PLEKHA2: variants seen among roughly 807,000 people sequenced by gnomAD.
PLEKHA2 encodes pleckstrin homology domain containing A2, also known as pleckstrin homology domain-containing family A member 2.
PLEKHA2 carries 28 observed loss-of-function variants against 53.2 expected under a neutral mutation model. The ratio of observed to expected loss-of-function variants is 0.53; its 90% CI spans 0.39 to 0.72. The LOEUF (loss-of-function observed/expected upper bound fraction) is 0.72, where lower values mean the gene tolerates loss of function less well. PLEKHA2 is among the 30% of genes least tolerant of loss of function. PLEKHA2 has a pLI of 0.00. For missense variants in PLEKHA2, 426 were observed against 537.9 expected (o/e 0.79, Z 2.06); for synonymous variants, 193 against 196.4 (o/e 0.98, Z 0.14).
At chr8:38,919,384 G>T (rs1413757156) in intron 2 of PLEKHA2, among the ~76,000 whole-genome samples, 1 of 152,160 alleles carries the variant, frequency 6.6e-6, no homozygotes, top group African/African-American at 2.4e-5. Flanking sequence ...CTGGCCCTGA[G>T]TGCTGTTAGC....
intron 9 of PLEKHA2, among the ~76,000 whole-genome samples, chr8:38,953,688 C>T (rs1834887140): frequency 6.6e-6 from 1 of 152,200 alleles, no homozygotes; most frequent in African/African-American, 2.4e-5. Flanking sequence ...ATTAGATGCT[C>T]AATCCCTAGC....
chr8:38,949,164 C>A (rs1387296796), intron 5 of PLEKHA2, among the ~76,000 whole-genome samples: 1 of 152,160 alleles, frequency 6.6e-6, no homozygotes, highest in Non-Finnish European at 1.5e-5. Context: ...AGCCACTGTG[C>A]CTGGCCGACA....
At chr8:38,916,315 T>C (rs1055027528) in intron 1 of PLEKHA2, among the ~76,000 whole-genome samples, 1 of 152,210 alleles carries the variant, frequency 6.6e-6, no homozygotes, top group African/African-American at 2.4e-5. Context: ...AAATTATTAT[T>C]GACTATAGTT....
chr8:38,967,812 C>T (rs1178152231), intron 10 of PLEKHA2, among the ~76,000 whole-genome samples: 1 of 152,098 alleles, frequency 6.6e-6, no homozygotes, highest in African/African-American at 2.4e-5. Context: ...CGGGCGCACG[C>T]CACCACTCCT....
At chr8:38,913,287 C>A (rs1203821272) in intron 1 of PLEKHA2, among the ~76,000 whole-genome samples, 3 of 150,978 alleles carry the variant, frequency 2.0e-5, no homozygotes, top group Non-Finnish European at 4.4e-5. Context: ...TCGCTTGAAC[C>A]TGGGAGGCGG....
chr8:38,933,149 G>T (rs888481767), intron 2 of PLEKHA2, among the ~76,000 whole-genome samples: 1 of 152,192 alleles, frequency 6.6e-6, no homozygotes, highest in Non-Finnish European at 1.5e-5. Flanking sequence ...AGCTCCGGAG[G>T]CTGCTGGGCT....
intron 6 of PLEKHA2, among the ~76,000 whole-genome samples, 168 bp downstream of exon 6, chr8:38,951,158 AT>A (rs1427276982): frequency 4.7e-4 from 72 of 152,162 alleles, no homozygotes; most frequent in Admixed American, 4.7e-3. Flanking sequence ...ATCCCCATTC[AT>A]GGGTGTTAGT....
chr8:38,950,075 T>C (rs1465838672), intron 5 of PLEKHA2, among the ~76,000 whole-genome samples: 1 of 152,228 alleles, frequency 6.6e-6, no homozygotes. Context: ...AGACAGGGTC[T>C]CTGTCACCTA....
intron 10 of PLEKHA2, among the ~76,000 whole-genome samples, chr8:38,965,522 C>T (rs1666851175): frequency 6.6e-6 from 1 of 152,146 alleles, no homozygotes; most frequent in Non-Finnish European, 1.5e-5. Flanking sequence ...ATGCCTCCTA[C>T]CAAATCATCT....
At chr8:38,951,655 C>T (rs1020545662) in intron 6 of PLEKHA2, among the ~76,000 whole-genome samples, 94 of 151,476 alleles carry the variant, frequency 6.2e-4, no homozygotes, top group African/African-American at 2.2e-3. Context: ...TGTGCCACCA[C>T]GCCTGGCTAA....
In PLEKHA2 at chr8:38,969,201, G is replaced by A. The variant is rs972303944; in HGVS notation, c.916-220G>A. Among the ~76,000 whole-genome samples, 15 of 152,170 alleles carry A rather than the reference G, an allele frequency of 9.9e-5. 1 individual carries two copies. In the South Asian group the frequency reaches 1.4e-3, roughly 15 times the overall value. On this transcript the variant is annotated intron_variant, in intron 11 of 11. Transcript: ENST00000617275. ...CAGGCATGAGCCACCACGCCCGGCCGAGAAACAGAATTTCTGATATGTCCT... is the reference window on the plus strand; with the variant it reads ...CAGGCATGAGCCACCACGCCCGGCCAAGAAACAGAATTTCTGATATGTCCT...
Position 38,956,098 on chromosome 8 carries a change from G to A in PLEKHA2, c.774-1225G>A, listed in dbSNP as rs376849782. Reference sequence around the variant, plus strand: ...TGGGATTACAGGCGTAAGCCACTGCGCCTGGCCCTTATGTTCTTTCACTGG... The same window carrying A: ...TGGGATTACAGGCGTAAGCCACTGCACCTGGCCCTTATGTTCTTTCACTGG... On this transcript the variant is annotated intron_variant, in intron 9 of 11. Transcript: ENST00000617275. 5.8e-4 allele frequency among the ~76,000 whole-genome samples: 88 copies of A among 152,288 alleles called. 1 individual carries two copies. Among genetic ancestry groups the A allele is most frequent in the Middle Eastern group, 3.4e-3 (1 of 294 alleles).
At chr8:38,940,474 A>G (rs1834585113) in intron 3 of PLEKHA2, among the ~76,000 whole-genome samples, 1 of 152,084 alleles carries the variant, frequency 6.6e-6, no homozygotes, top group Non-Finnish European at 1.5e-5. Context: ...GGCCAAACAC[A>G]GTTCTGCTGT....
At chr8:38,925,838 A>G (rs1201161786) in intron 2 of PLEKHA2, among the ~76,000 whole-genome samples, 1 of 152,280 alleles carries the variant, frequency 6.6e-6, no homozygotes, top group African/African-American at 2.4e-5. Flanking sequence ...TTTTTTAAAA[A>G]AACGTGAAAT....
At chr8:38,951,998 C>A (rs1248264480) in intron 6 of PLEKHA2, among the ~76,000 whole-genome samples, 168 bp from the exon 7 acceptor site, 2 of 152,218 alleles carry the variant, frequency 1.3e-5, no homozygotes, top group Non-Finnish European at 2.9e-5. Flanking sequence ...GATCCTCCTG[C>A]CTTGGCCTCC....
At chr8:38,930,318 C>T (rs1834368334) in intron 2 of PLEKHA2, among the ~76,000 whole-genome samples, 1 of 152,196 alleles carries the variant, frequency 6.6e-6, no homozygotes, top group African/African-American at 2.4e-5. Flanking sequence ...TCTCGTGCCT[C>T]AGCCTCCCAA....
chr8:38,931,777 G>C (rs1358125742), intron 2 of PLEKHA2, among the ~76,000 whole-genome samples: 1 of 152,174 alleles, frequency 6.6e-6, no homozygotes, highest in African/African-American at 2.4e-5. Flanking sequence ...CGTCCAGTAG[G>C]AAGAGACCTA....
chr8:38,937,084 G>A (rs1484442199), intron 3 of PLEKHA2, among the ~76,000 whole-genome samples: 2 of 152,230 alleles, frequency 1.3e-5, no homozygotes, highest in African/African-American at 2.4e-5. Flanking sequence ...CTGGAGGAGA[G>A]GCCACCCTTG....
intron 1 of PLEKHA2, among the ~76,000 whole-genome samples, chr8:38,905,458 TA>T (rs34178207): frequency 0.84 from 123,849 of 147,600 alleles, 51,987 homozygotes; most frequent in Admixed American, 0.86. Context: ...ACCCTGCCTC[TA>T]AAAAAAAAAA....
Sources: allele counts gnomAD v4.1 joint callset (sites outside exome capture counted in the v4.1 genomes callset), GRCh38; gene constraint gnomAD v4.1.1; transcripts MANE v1.5; gene names NCBI Gene and HGNC (gene_info 2026-07-23, HGNC 2026-07-21).